Variants in CACNA2D3 observed in about 807,000 individuals in gnomAD.
The protein encoded by CACNA2D3 is calcium voltage-gated channel auxiliary subunit alpha2delta 3.
Under a neutral mutation model 160.6 loss-of-function variants are expected in CACNA2D3, and 60 were observed. The ratio of observed to expected loss-of-function variants is 0.37; its 90% CI spans 0.30 to 0.46. The LOEUF (loss-of-function observed/expected upper bound fraction) is 0.46, where lower values mean the gene tolerates loss of function less well. Among genes scored for constraint, CACNA2D3 ranks in the 20% least tolerant of loss-of-function variants. The probability of loss-of-function intolerance (pLI) is 1.00; values close to 1 mark genes in which losing one functional copy is unlikely to be tolerated. For missense variants in CACNA2D3, 1,205 were observed against 1,365.0 expected (o/e 0.88, Z 1.85); for synonymous variants, 558 against 492.9 (o/e 1.13, Z -1.75).
At chr3:54,722,451 G>A (rs1177613646) in intron 11 of CACNA2D3, among the ~76,000 whole-genome samples, 1 of 152,126 alleles carries the variant, frequency 6.6e-6, no homozygotes, top group Non-Finnish European at 1.5e-5. Context: ...TTGTTCCCTT[G>A]CTGGTTAGGA....
At chr3:54,898,714 C>G (rs962008981) in intron 26 of CACNA2D3, among the ~76,000 whole-genome samples, 2 of 152,214 alleles carry the variant, frequency 1.3e-5, no homozygotes. Flanking sequence ...ATCGAGTTAA[C>G]TAAAGCTGTT....
intron 35 of CACNA2D3, among the ~76,000 whole-genome samples, chr3:55,038,912 A>G (rs1703895719): frequency 7.4e-6 from 1 of 135,628 alleles, no homozygotes; most frequent in South Asian, 2.4e-4. Context: ...ATATATACAC[A>G]CACTGAATAT....
chr3:54,472,541 T>C (rs1700752497), intron 4 of CACNA2D3, among the ~76,000 whole-genome samples: 1 of 152,156 alleles, frequency 6.6e-6, no homozygotes, highest in Non-Finnish European at 1.5e-5. Flanking sequence ...GCTAGGGCAG[T>C]CAGGCAAGAG....
At chr3:54,524,528 T>C (rs191680026) in intron 5 of CACNA2D3, among the ~76,000 whole-genome samples, 7 of 152,260 alleles carry the variant, frequency 4.6e-5, no homozygotes, top group African/African-American at 1.4e-4. Context: ...TGGAATCCTT[T>C]ATTTCCATAT....
chr3:55,037,956 A>G (rs775368919), intron 35 of CACNA2D3, among the ~76,000 whole-genome samples: 1 of 152,192 alleles, frequency 6.6e-6, no homozygotes, highest in African/African-American at 2.4e-5. Flanking sequence ...AATCGGATAA[A>G]CTGGGGTCTT....
chr3:54,355,339 G>A (rs887568847), intron 3 of CACNA2D3, among the ~76,000 whole-genome samples: 6 of 152,178 alleles, frequency 3.9e-5, no homozygotes, highest in Non-Finnish European at 7.3e-5. Context: ...TTTCCAATCC[G>A]GGCACTCCGG....
intron 27 of CACNA2D3, among the ~76,000 whole-genome samples, chr3:54,921,960 T>C (rs1005715242): frequency 1.3e-5 from 2 of 152,226 alleles, no homozygotes; most frequent in African/African-American, 4.8e-5. Context: ...TTATTTTGCC[T>C]GTATTCAATA....
intron 4 of CACNA2D3, among the ~76,000 whole-genome samples, chr3:54,476,801 G>A (rs1254536356): frequency 6.6e-6 from 1 of 151,998 alleles, no homozygotes; most frequent in Non-Finnish European, 1.5e-5. Flanking sequence ...ATCTATCTTG[G>A]GTATTAACCC....
chr3:54,255,874 AT>A (rs773620751), intron 2 of CACNA2D3, among the ~76,000 whole-genome samples: 2 of 152,092 alleles, frequency 1.3e-5, no homozygotes, highest in Non-Finnish European at 2.9e-5. Context: ...AGAATTAATC[AT>A]TTTACCCCCC....
intron 11 of CACNA2D3, among the ~76,000 whole-genome samples, chr3:54,696,506 GT>G (rs985795973): frequency 3.3e-5 from 5 of 151,936 alleles, no homozygotes; most frequent in Admixed American, 3.3e-4. Flanking sequence ...TTAGAAGAGG[GT>G]TTTTTTTCTC....
chr3:54,543,943 G>C (rs907678775), intron 5 of CACNA2D3, among the ~76,000 whole-genome samples: 1 of 152,128 alleles, frequency 6.6e-6, no homozygotes, highest in Admixed American at 6.6e-5. Context: ...ACAATGTCTG[G>C]AGAAAGTTAA....
At chr3:54,854,722 G>C (rs1699129199) in intron 17 of CACNA2D3, among the ~76,000 whole-genome samples, 1 of 152,122 alleles carries the variant, frequency 6.6e-6, no homozygotes, top group African/African-American at 2.4e-5. Flanking sequence ...GGGGTTGACT[G>C]TGTGTGAAGA....
chr3:54,519,942 A>T (rs1176367460), intron 5 of CACNA2D3, among the ~76,000 whole-genome samples: 1 of 152,370 alleles, frequency 6.6e-6, no homozygotes. Flanking sequence ...GGGCCAGAAC[A>T]GTGCCAGCCA....
intron 9 of CACNA2D3, among the ~76,000 whole-genome samples, chr3:54,589,206 A>G (rs774145988): frequency 6.6e-6 from 1 of 152,128 alleles, no homozygotes; most frequent in Non-Finnish European, 1.5e-5. Flanking sequence ...AGAGAACACA[A>G]GACATATACC....
intron 4 of CACNA2D3, among the ~76,000 whole-genome samples, chr3:54,439,611 AGG>A (rs1700112340): frequency 6.6e-6 from 1 of 152,014 alleles, no homozygotes; most frequent in African/African-American, 2.4e-5. Context: ...GATTTTTAGG[AGG>A]GAGAAACAGT....
At chr3:54,492,192 A>T (rs1260920567) in intron 4 of CACNA2D3, among the ~76,000 whole-genome samples, 1 of 152,188 alleles carries the variant, frequency 6.6e-6, no homozygotes, top group African/African-American at 2.4e-5. Flanking sequence ...ACTTTCTGTG[A>T]CAGTGGCATT....
At chr3:54,787,353 A>T (rs1259800200) in intron 13 of CACNA2D3, among the ~76,000 whole-genome samples, 1 of 152,210 alleles carries the variant, frequency 6.6e-6, no homozygotes, top group Non-Finnish European at 1.5e-5. Context: ...TTTTAAAAAA[A>T]TCTAAATCAT....
intron 2 of CACNA2D3, among the ~76,000 whole-genome samples, chr3:54,293,633 T>C (rs551310399): frequency 6.6e-6 from 1 of 151,994 alleles, no homozygotes; most frequent in African/African-American, 2.4e-5. Context: ...AGGAACAAGC[T>C]AGAGGCATAC....
intron 2 of CACNA2D3, among the ~76,000 whole-genome samples, chr3:54,310,803 G>A (rs1017592192): frequency 2.6e-5 from 4 of 152,090 alleles, no homozygotes; most frequent in Non-Finnish European, 5.9e-5. Context: ...CTGCTGCTGC[G>A]TACTTTACAC....
Sources: gnomAD v4.1 joint callset for allele counts (sites outside exome capture counted in the v4.1 genomes callset) on GRCh38, gnomAD v4.1.1 for gene constraint, MANE v1.5 for transcripts, NCBI Gene and HGNC (gene_info 2026-07-23, HGNC 2026-07-21) for gene names.